HIP1: variants seen among roughly 807,000 people sequenced by gnomAD.
The protein encoded by HIP1 is huntingtin interacting protein 1, also known as huntingtin-interacting protein 1.
A neutral mutation model predicts 147.6 loss-of-function variants in HIP1; 65 were observed. The ratio of observed to expected loss-of-function variants is 0.44; its 90% CI spans 0.36 to 0.54. The LOEUF is 0.54. Among genes scored for constraint, HIP1 ranks in the 20% least tolerant of loss-of-function variants. HIP1 has a pLI of 0.00. For synonymous variants in HIP1, 479 were observed against 504.0 expected, an observed-to-expected ratio of 0.95 and a Z score of 0.67; for missense variants, 1,061 against 1,299.6, an observed-to-expected ratio of 0.82 and a Z score of 2.82.
At chr7:75,546,818 A>G (rs1554491107) in intron 25 of HIP1, 121 bp downstream of exon 25, 2 of 700,288 alleles carry the variant, frequency 2.9e-6, no homozygotes, top group Non-Finnish European at 2.4e-6. Flanking sequence ...TATCTACAGG[A>G]GTGGCTGCTC....
chr7:75,735,875 A>G (rs1400567714), intron 1 of HIP1, among the ~76,000 whole-genome samples: 1 of 151,716 alleles, frequency 6.6e-6, no homozygotes, highest in Non-Finnish European at 1.5e-5. Flanking sequence ...TTTTGTAGAG[A>G]TGGGGTCTTA....
chr7:75,738,664 C>T (rs1802105454), intron 1 of HIP1, 137 bp downstream of exon 1: 3 of 1,115,842 alleles, frequency 2.7e-6, no homozygotes, highest in South Asian at 3.0e-5. Flanking sequence ...CAGATCTGCA[C>T]GTCAATGCCC....
rs1794123877 is a variant in HIP1, at chr7:75,537,410, C to T, written c.*762G>A. The T allele has an allele frequency of 1.3e-5, 3 of 232,818 alleles. No individual in the cohort carries two copies. Among genetic ancestry groups the T allele is most frequent in the Non-Finnish European group, 2.5e-5 (3 of 117,780 alleles). 14.4% of individuals were successfully genotyped at this position (232,818 alleles called of 1,614,324 possible). ...CAGTGTGGAGGCGGAGATGGAGCAC[C>T]GAGAGGCCTGGGCAGCACCATCGCT... On this transcript the variant is annotated 3_prime_UTR_variant, in exon 31 of 31. Coordinates refer to ENST00000336926, the MANE Select transcript of HIP1 (RefSeq NM_005338.7).
At chr7:75,549,466 G>C (rs935160401) in intron 22 of HIP1, among the ~76,000 whole-genome samples, 10 of 150,874 alleles carry the variant, frequency 6.6e-5, no homozygotes, top group Admixed American at 6.6e-4. Context: ...CGCCTCCCGG[G>C]CTCAAGGGAT....
intron 7 of HIP1, among the ~76,000 whole-genome samples, chr7:75,578,179 G>A (rs1795910387): frequency 6.6e-6 from 1 of 152,126 alleles, no homozygotes; most frequent in South Asian, 2.1e-4. Flanking sequence ...CTGGAAGGAT[G>A]ACCCAAAGGT....
chr7:75,591,034 A>ATTT (rs34986049), intron 4 of HIP1, among the ~76,000 whole-genome samples: 1 of 142,438 alleles, frequency 7.0e-6, no homozygotes, highest in Non-Finnish European at 1.5e-5. Context: ...AACCAGGGAG[A>ATTT]TTTTTTTTTT....
At chr7:75,665,922 C>T (rs1191628327) in intron 1 of HIP1, among the ~76,000 whole-genome samples, 2 of 151,928 alleles carry the variant, frequency 1.3e-5, no homozygotes, top group Admixed American at 1.3e-4. Flanking sequence ...TTTTATATGG[C>T]AATGTGAAAA....
At chr7:75,615,939 A>G (rs949118830) in intron 1 of HIP1, among the ~76,000 whole-genome samples, 8 of 151,588 alleles carry the variant, frequency 5.3e-5, no homozygotes, top group African/African-American at 1.9e-4. Context: ...TACAAAAATT[A>G]GCTGGGTGTG....
At chr7:75,645,734 A>G (rs1798780091) in intron 1 of HIP1, among the ~76,000 whole-genome samples, 1 of 152,222 alleles carries the variant, frequency 6.6e-6, no homozygotes. Flanking sequence ...GGTGGTACAT[A>G]TCCAACAAGG....
At chr7:75,637,989 C>CA (rs1798492300) in intron 1 of HIP1, among the ~76,000 whole-genome samples, 1 of 51,292 alleles carries the variant, frequency 1.9e-5, no homozygotes, top group Non-Finnish European at 4.1e-5. Context: ...CCCCCCCCCC[C>CA]CCCCACACAC....
intron 1 of HIP1, among the ~76,000 whole-genome samples, chr7:75,722,870 T>C (rs1486151482): frequency 6.6e-6 from 1 of 152,176 alleles, no homozygotes; most frequent in Admixed American, 6.6e-5. Flanking sequence ...GAATTGTTTT[T>C]CCAGGATAAG....
At chr7:75,721,902 A>G (rs531058076) in intron 1 of HIP1, among the ~76,000 whole-genome samples, 3 of 152,370 alleles carry the variant, frequency 2.0e-5, no homozygotes, top group Non-Finnish European at 4.4e-5. Context: ...GCTAAGAATC[A>G]GGACAGCAAA....
chr7:75,713,887 A>G lies in HIP1; in HGVS notation c.120+24914T>C, dbSNP rs1171174264. Reference sequence around the variant, plus strand: ...AGCATTTTTTGTATTTTTAGTAGAGACAGGGTTTCACTATGTCAGCCAGGT... The same window carrying G: ...AGCATTTTTTGTATTTTTAGTAGAGGCAGGGTTTCACTATGTCAGCCAGGT... On this transcript the variant is annotated intron_variant, in intron 1 of 30. Transcript: ENST00000336926. Among the ~76,000 whole-genome samples the G allele has an allele frequency of 1.8e-4, 27 of 150,600 alleles. 1 individual carries two copies. The highest frequency in any genetic ancestry group is 1.8e-3 in the Admixed American group (27 of 15,068).
intron 7 of HIP1, among the ~76,000 whole-genome samples, chr7:75,574,104 A>T (rs1156284082): frequency 6.6e-6 from 1 of 152,196 alleles, no homozygotes; most frequent in East Asian, 1.9e-4. Context: ...ACAGAAGGTT[A>T]GTAACTTGAA....
intron 1 of HIP1, among the ~76,000 whole-genome samples, chr7:75,657,217 G>C (rs1799168957): frequency 6.6e-6 from 1 of 152,148 alleles, no homozygotes; most frequent in African/African-American, 2.4e-5. Context: ...ATACACCATA[G>C]AATACTACGT....
chr7:75,714,481 C>A (rs1801256823), intron 1 of HIP1, among the ~76,000 whole-genome samples: 1 of 145,782 alleles, frequency 6.9e-6, no homozygotes, highest in Admixed American at 6.9e-5. Flanking sequence ...GAGACAGAGT[C>A]TCTCTCTGTC....
intron 1 of HIP1, among the ~76,000 whole-genome samples, chr7:75,619,696 T>TA (rs1797779903): frequency 6.6e-6 from 1 of 152,300 alleles, no homozygotes; most frequent in African/African-American, 2.4e-5. Flanking sequence ...AGGAGATTAT[T>TA]ATTCATTTCA....
At chr7:75,663,258 T>A (rs1164114210) in intron 1 of HIP1, among the ~76,000 whole-genome samples, 1 of 152,134 alleles carries the variant, frequency 6.6e-6, no homozygotes, top group Non-Finnish European at 1.5e-5. Context: ...TCCAGATGTC[T>A]GTAGTGTAAG....
chr7:75,712,330 A>T (rs1264756067), intron 1 of HIP1, among the ~76,000 whole-genome samples: 3 of 152,214 alleles, frequency 2.0e-5, no homozygotes, highest in African/African-American at 7.2e-5. Context: ...AGTTCTCAGC[A>T]ACAAGGAGAG....
Sources: allele counts gnomAD v4.1 joint callset (sites outside exome capture counted in the v4.1 genomes callset), GRCh38; gene constraint gnomAD v4.1.1; transcripts MANE v1.5; gene names NCBI Gene and HGNC (gene_info 2026-07-23, HGNC 2026-07-21).